The following CNTN5 variants were observed in gnomAD, a reference collection of about 807,000 sequenced individuals.
The protein encoded by CNTN5 is contactin 5.
CNTN5 carries 77 observed loss-of-function variants against 129.1 expected under a neutral mutation model. The observed-to-expected ratio is 0.60, with a 90% CI of 0.50 to 0.72. CNTN5 has a LOEUF of 0.72. CNTN5 is among the 30% of genes least tolerant of loss of function. The pLI is 0.00. For synonymous variants in CNTN5, 509 were observed against 465.6 expected (o/e 1.09, Z -1.20); for missense variants, 1,478 against 1,328.8 (o/e 1.11, Z -1.75).
chr11:100,149,669 G>T (rs2138300284), intron 13 of CNTN5, among the ~76,000 whole-genome samples: 1 of 152,102 alleles, frequency 6.6e-6, no homozygotes, highest in African/African-American at 2.4e-5. Context: ...AAGGCAGGCG[G>T]ATCACGAGGT....
At chr11:99,847,882 G>A (rs1947750914) in intron 6 of CNTN5, among the ~76,000 whole-genome samples, 1 of 152,122 alleles carries the variant, frequency 6.6e-6, no homozygotes, top group Non-Finnish European at 1.5e-5. Flanking sequence ...TTCCTGAAAT[G>A]AAGTGAAAGA....
At chr11:99,138,530 G>A (rs1041372235) in intron 1 of CNTN5, among the ~76,000 whole-genome samples, 2 of 152,060 alleles carry the variant, frequency 1.3e-5, no homozygotes, top group Non-Finnish European at 2.9e-5. Context: ...ACAATGTTGC[G>A]ATGCATTATA....
intron 1 of CNTN5, among the ~76,000 whole-genome samples, chr11:99,087,610 A>C (rs1866055088): frequency 6.6e-6 from 1 of 152,158 alleles, no homozygotes; most frequent in South Asian, 2.1e-4. Flanking sequence ...GTGCACAATC[A>C]TCTCCCTAGT....
At chr11:99,327,691 A>G (rs1168750265) in intron 2 of CNTN5, among the ~76,000 whole-genome samples, 1 of 152,238 alleles carries the variant, frequency 6.6e-6, no homozygotes, top group Non-Finnish European at 1.5e-5. Flanking sequence ...CATTTTAAAT[A>G]AAACGCCATT....
At chr11:100,183,280 T>A (rs1591365501) in intron 13 of CNTN5, among the ~76,000 whole-genome samples, 1 of 152,164 alleles carries the variant, frequency 6.6e-6, no homozygotes, top group Admixed American at 6.5e-5. Context: ...CATATATCCA[T>A]AGAAGACTTG....
chr11:99,702,285 T>C (rs1954555814), intron 3 of CNTN5, among the ~76,000 whole-genome samples: 1 of 151,038 alleles, frequency 6.6e-6, no homozygotes, highest in Non-Finnish European at 1.5e-5. Context: ...GGGCTAATAA[T>C]AATGAAAAAT....
At chr11:100,156,541 C>T (rs1255787850) in intron 13 of CNTN5, among the ~76,000 whole-genome samples, 1 of 152,064 alleles carries the variant, frequency 6.6e-6, no homozygotes, top group Admixed American at 6.6e-5. Context: ...AAGAGTCCCT[C>T]TTTTTCTATT....
intron 2 of CNTN5, among the ~76,000 whole-genome samples, chr11:99,334,670 A>T (rs575594647): frequency 8.0e-4 from 122 of 152,236 alleles, no homozygotes; most frequent in Non-Finnish European, 1.6e-3. Context: ...TAATGGGGCT[A>T]GTTTGAATTA....
Position 99,765,223 on chromosome 11 carries a change from A to T in CNTN5, c.56-54321A>T, listed in dbSNP as rs561739507. Among the ~76,000 whole-genome samples the T allele has an allele frequency of 2.6e-3, 400 of 152,190 alleles. 4 individuals carry two copies. Among genetic ancestry groups the T allele is most frequent in the South Asian group, 0.012 (56 of 4,824 alleles). Reference sequence around the variant, plus strand: ...GTTGTTTAAGTGGGATATAAAGTATATTCAATTTTTTCTAAAAATAATTGG... The same window carrying T: ...GTTGTTTAAGTGGGATATAAAGTATTTTCAATTTTTTCTAAAAATAATTGG... On this transcript the variant is annotated intron_variant, in intron 3 of 24. Coordinates refer to ENST00000524871, the MANE Select transcript of CNTN5 (RefSeq NM_014361.4).
Position 100,350,704 on chromosome 11 carries a change from T to G in CNTN5, c.3033T>G (p.Val1011=), listed in dbSNP as rs1456861370. ...ANESEVVGYK[V]FYRQEGHSNS... is the part of the protein sequence containing the mutation. ...CTAAACCTTGTTATTACTCTCAGGT[T>G]TTTTATAGGCAAGAGGGTCACAGCA... Residue 1011 remains valine (V), a splice_region_variant and synonymous_variant, in exon 24 of 25, where the codon GTT becomes GTG. Transcript: ENST00000524871. The G allele has an allele frequency of 6.3e-7, 1 of 1,599,640 alleles. No homozygotes were observed. The highest frequency in any genetic ancestry group is 1.3e-5 in the African/African-American group (1 of 74,280).
chr11:99,684,211 A>G (rs1380202301), intron 3 of CNTN5, among the ~76,000 whole-genome samples: 2 of 151,858 alleles, frequency 1.3e-5, no homozygotes, highest in East Asian at 1.9e-4. Flanking sequence ...CTGTGAGTCA[A>G]TAATGCTTTA....
At chr11:100,252,106 G>A (rs796288008) in intron 16 of CNTN5, among the ~76,000 whole-genome samples, 19 of 152,062 alleles carry the variant, frequency 1.2e-4, no homozygotes, top group African/African-American at 4.1e-4. Context: ...GATGATAGCC[G>A]TCCTAACTGG....
At chr11:99,162,342 T>C (rs1344036359) in intron 1 of CNTN5, among the ~76,000 whole-genome samples, 1 of 152,128 alleles carries the variant, frequency 6.6e-6, no homozygotes, top group Non-Finnish European at 1.5e-5. Flanking sequence ...GTTCTTTCAC[T>C]GTCTTGCTTC....
intron 4 of CNTN5, among the ~76,000 whole-genome samples, chr11:99,844,398 A>T (rs1477900783): frequency 1.3e-5 from 2 of 152,208 alleles, no homozygotes; most frequent in Non-Finnish European, 2.9e-5. Flanking sequence ...AAGAATATAA[A>T]AAAATGCAAG....
At chr11:100,337,343 G>A (rs529862299) in intron 21 of CNTN5, 36 of 852,178 alleles carry the variant, frequency 4.2e-5, no homozygotes, top group Non-Finnish European at 5.9e-5. Flanking sequence ...GGAAGTGATC[G>A]ATGCACACAT....
chr11:99,629,922 T>A (rs975177972), intron 3 of CNTN5, among the ~76,000 whole-genome samples: 5 of 151,740 alleles, frequency 3.3e-5, no homozygotes, highest in Admixed American at 6.6e-5. Flanking sequence ...TATAAAATAT[T>A]TATGCTCAGA....
chr11:99,234,080 C>A lies in CNTN5; in HGVS notation c.-209-91266C>A, dbSNP rs571219815. ...AAGAGAATTGCATTGCAAATCCTGA[C>A]ACGTAAATTTAATCTACATTTCTGA... On this transcript the variant is annotated intron_variant, in intron 1 of 24. Transcript: ENST00000524871. Among the ~76,000 whole-genome samples the A allele has an allele frequency of 1.5e-4, 23 of 152,304 alleles. 1 individual carries two copies. In the South Asian group the frequency reaches 4.8e-3, roughly 32 times the overall value.
chr11:99,623,398 C>T (rs201507298), intron 3 of CNTN5, among the ~76,000 whole-genome samples: 9 of 152,234 alleles, frequency 5.9e-5, no homozygotes, highest in East Asian at 5.8e-4. Context: ...ACTTGGCTCT[C>T]AGCCACTTCA....
chr11:99,255,309 C>T (rs1045806500), intron 1 of CNTN5, among the ~76,000 whole-genome samples: 5 of 151,254 alleles, frequency 3.3e-5, no homozygotes, highest in South Asian at 2.1e-4. Context: ...CTATATGTAA[C>T]GAATAGTATT....
Sources: allele counts gnomAD v4.1 joint callset (sites outside exome capture counted in the v4.1 genomes callset), GRCh38; gene constraint gnomAD v4.1.1; transcripts MANE v1.5; gene names NCBI Gene and HGNC (gene_info 2026-07-23, HGNC 2026-07-21).